SEC22A: variants seen among roughly 807,000 people sequenced by gnomAD.
SEC22A encodes the protein vesicle-trafficking protein SEC22a.
SEC22A carries 22 observed loss-of-function variants against 35.3 expected under a neutral mutation model. The ratio of observed to expected loss-of-function variants is 0.62; its 90% CI spans 0.45 to 0.89. SEC22A has a LOEUF of 0.89. Among genes scored for constraint, SEC22A ranks in the 40% least tolerant of loss-of-function variants. The pLI, the probability that SEC22A is intolerant of heterozygous loss-of-function variation, is 0.00. For missense variants in SEC22A, 354 were observed against 362.5 expected, an observed-to-expected ratio of 0.98 and a Z score of 0.19; for synonymous variants, 119 against 129.5, an observed-to-expected ratio of 0.92 and a Z score of 0.55.
intron 4 of SEC22A, among the ~76,000 whole-genome samples, chr3:123,241,114 A>G (rs2108071457): frequency 6.6e-6 from 1 of 151,714 alleles, no homozygotes; most frequent in East Asian, 1.9e-4. Flanking sequence ...TTGTGGAGGC[A>G]TTTTTTAGAA....
intron 4 of SEC22A, among the ~76,000 whole-genome samples, chr3:123,240,401 G>A (rs190499072): frequency 6.6e-6 from 1 of 152,118 alleles, no homozygotes; most frequent in Non-Finnish European, 1.5e-5. Context: ...AGACTACATT[G>A]TGTGACTATT....
intron 4 of SEC22A, among the ~76,000 whole-genome samples, chr3:123,230,699 CAAAAA>C (rs376679473): frequency 8.4e-5 from 4 of 47,400 alleles, no homozygotes; most frequent in South Asian, 1.5e-3. Context: ...TCACTTCATG[CAAAAA>C]AAAAAAAAAA....
chr3:123,265,285 G>C (rs1402252613), intron 6 of SEC22A, among the ~76,000 whole-genome samples: 1 of 151,948 alleles, frequency 6.6e-6, no homozygotes, highest in African/African-American at 2.4e-5. Flanking sequence ...ATCTGAGGGA[G>C]GTCCTGAAAC....
chr3:123,225,283 G>T lies in SEC22A; in HGVS notation c.527G>T (p.Gly176Val). ...SAFSVDCKGA[G>V]KISSAHQRLE... is the part of the protein sequence containing the mutation. ...TTTTCTGTTGACTGTAAAGGTGCTG[G>T]TAAGATTTCTTCTGGTGAGTTCTGG... Residue 176 changes from glycine to valine, a missense_variant, in exon 4 of 7, where the codon GGT becomes GTT. By Grantham distance (109) the Gly-to-Val change is moderately radical. Coordinates refer to ENST00000492595, the MANE Select transcript of SEC22A (RefSeq NM_012430.5). The T allele has an allele frequency of 6.2e-7, 1 of 1,604,082 alleles. No homozygotes were observed. The highest frequency in any genetic ancestry group is 8.5e-7 in the Non-Finnish European group (1 of 1,173,978).
Position 123,246,573 on chromosome 3 carries a change from C to T in SEC22A, c.657+559C>T, listed in dbSNP as rs1391564602. On this transcript the variant is annotated intron_variant, in intron 5 of 6. Coordinates refer to ENST00000492595, the MANE Select transcript of SEC22A (RefSeq NM_012430.5). ...CTTCCTAGAAAACCACAAATTTATTCAGATATTGCTAACTATTACATTTTC... is the reference window on the plus strand; with the variant it reads ...CTTCCTAGAAAACCACAAATTTATTTAGATATTGCTAACTATTACATTTTC... Among the ~76,000 whole-genome samples the T allele has an allele frequency of 2.0e-5, 3 of 152,292 alleles. No homozygotes were observed. In the East Asian group the frequency reaches 5.8e-4, roughly 29 times the overall value.
intron 5 of SEC22A, among the ~76,000 whole-genome samples, chr3:123,250,957 AT>A (rs1937607122): frequency 6.6e-6 from 1 of 152,190 alleles, no homozygotes; most frequent in Non-Finnish European, 1.5e-5. Context: ...TTTATATGTT[AT>A]TTTTAATTTT....
intron 5 of SEC22A, among the ~76,000 whole-genome samples, chr3:123,247,037 G>A (rs956804028): frequency 6.6e-6 from 1 of 152,096 alleles, no homozygotes; most frequent in Admixed American, 6.6e-5. Context: ...TCAGGTTAAA[G>A]CTCGTCTCCC....
chr3:123,222,700 C>T (rs528985341), intron 2 of SEC22A, among the ~76,000 whole-genome samples: 1 of 152,262 alleles, frequency 6.6e-6, no homozygotes, highest in East Asian at 1.9e-4. Context: ...TCTGGAGACA[C>T]ACAATGTCCA....
intron 5 of SEC22A, among the ~76,000 whole-genome samples, chr3:123,249,530 T>C (rs1057168752): frequency 6.6e-6 from 1 of 152,000 alleles, no homozygotes; most frequent in African/African-American, 2.4e-5. Context: ...TATATATATG[T>C]ATATATGTAT....
intron 5 of SEC22A, among the ~76,000 whole-genome samples, chr3:123,249,900 T>C (rs1289929016): frequency 6.6e-6 from 1 of 151,954 alleles, no homozygotes; most frequent in Non-Finnish European, 1.5e-5. Flanking sequence ...TGACCAAATA[T>C]AGGGAACAAA....
At chr3:123,228,306 C>G (rs1450219480) in intron 4 of SEC22A, among the ~76,000 whole-genome samples, 1 of 150,994 alleles carries the variant, frequency 6.6e-6, no homozygotes, top group Admixed American at 6.6e-5. Context: ...AGGCTCACAC[C>G]TATAATCCCA....
chr3:123,240,990 A>G (rs1174426353), intron 4 of SEC22A, among the ~76,000 whole-genome samples: 1 of 120,994 alleles, frequency 8.3e-6, no homozygotes, highest in Non-Finnish European at 1.7e-5. Flanking sequence ...AGATTTACTA[A>G]TCTCTCTTTC....
intron 3 of SEC22A, among the ~76,000 whole-genome samples, chr3:123,224,876 TA>T (rs896298789): frequency 6.6e-6 from 1 of 152,188 alleles, no homozygotes; most frequent in African/African-American, 2.4e-5. Flanking sequence ...TACACTTAGG[TA>T]GTGTTAAATC....
In SEC22A at chr3:123,209,294, A is replaced by G. The variant is rs1936899109; in HGVS notation, c.77A>G (p.Gln26Arg). Residue 26 changes from glutamine to arginine, a missense_variant, in exon 2 of 7, where the codon CAA becomes CGA. Physicochemically the swap from Gln to Arg is conservative, Grantham distance 43 (BLOSUM62 1). Coordinates refer to ENST00000492595, the MANE Select transcript of SEC22A (RefSeq NM_012430.5). Reference protein sequence around the residue: ...LPLSASTDYEQSTGMQECRKY... With the variant: ...LPLSASTDYERSTGMQECRKY... ...CTTTCTGCTTCTACTGATTATGAAC[A>G]AAGCACAGGAATGCAGGAGTGCAGA... The G allele has an allele frequency of 5.6e-6, 9 of 1,613,940 alleles. No homozygotes were observed. Among genetic ancestry groups the G allele is most frequent in the Admixed American group, 1.7e-5 (1 of 60,004 alleles).
At chr3:123,214,419 T>C (rs939782640) in intron 2 of SEC22A, among the ~76,000 whole-genome samples, 15 of 152,206 alleles carry the variant, frequency 9.9e-5, no homozygotes, top group Non-Finnish European at 1.9e-4. Flanking sequence ...TTTAGGAATA[T>C]GACAGCATTC....
chr3:123,253,726 A>AGAAAG (rs1190539589), intron 5 of SEC22A, among the ~76,000 whole-genome samples: 49 of 151,356 alleles, frequency 3.2e-4, no homozygotes, highest in African/African-American at 1.1e-3. Context: ...AAAAAAAAAA[A>AGAAAG]AAAGAAAGAA....
intron 6 of SEC22A, among the ~76,000 whole-genome samples, chr3:123,269,720 C>T (rs1938115371): frequency 6.8e-6 from 1 of 147,574 alleles, no homozygotes; most frequent in Non-Finnish European, 1.5e-5. Context: ...GCAACCTCCG[C>T]CTCCCAGGTT....
chr3:123,236,864 G>A (rs1039454789), intron 4 of SEC22A, among the ~76,000 whole-genome samples: 7 of 151,640 alleles, frequency 4.6e-5, no homozygotes, highest in Admixed American at 1.3e-4. Flanking sequence ...AACAATGAAA[G>A]CCAGAAGACA....
chr3:123,270,628 C>T (rs1330509413), intron 6 of SEC22A, among the ~76,000 whole-genome samples: 1 of 152,168 alleles, frequency 6.6e-6, no homozygotes, highest in Non-Finnish European at 1.5e-5. Flanking sequence ...AATCTCACCC[C>T]TCATGAAATA....
Sources: allele counts gnomAD v4.1 joint callset (sites outside exome capture counted in the v4.1 genomes callset), GRCh38; gene constraint gnomAD v4.1.1; transcripts MANE v1.5; gene names NCBI Gene and HGNC (gene_info 2026-07-23, HGNC 2026-07-21).